PRKCB: variants seen among roughly 807,000 people sequenced by gnomAD.
The protein encoded by PRKCB is protein kinase C beta, also known as protein kinase C beta type.
A neutral mutation model predicts 81.5 loss-of-function variants in PRKCB; 13 were observed. That is an observed-to-expected ratio of 0.16 (90% confidence interval 0.10 to 0.25). The LOEUF (loss-of-function observed/expected upper bound fraction) is 0.25. Among genes scored for constraint, PRKCB ranks in the 10% least tolerant of loss-of-function variants. PRKCB has a pLI of 1.00. For synonymous variants in PRKCB, 335 were observed against 321.4 expected (o/e 1.04, Z -0.45); for missense variants, 509 against 875.7 (o/e 0.58, Z 5.29).
chr16:23,905,759 A>G (rs573774461), intron 2 of PRKCB, among the ~76,000 whole-genome samples: 5 of 152,294 alleles, frequency 3.3e-5, no homozygotes, highest in Admixed American at 6.5e-5. Context: ...TGCTTAATAA[A>G]TATGGGTTGA....
intron 2 of PRKCB, among the ~76,000 whole-genome samples, chr16:23,890,617 C>T (rs1026948076): frequency 5.3e-5 from 8 of 152,144 alleles, no homozygotes; most frequent in East Asian, 1.9e-4. Context: ...TCCTAATGCC[C>T]GTGCCATCAA....
intron 2 of PRKCB, among the ~76,000 whole-genome samples, chr16:23,913,651 G>C (rs1963695072): frequency 1.3e-5 from 2 of 152,178 alleles, no homozygotes; most frequent in Admixed American, 6.5e-5. Flanking sequence ...TCTTAGGAGA[G>C]GGGAAAAAAT....
chr16:23,991,583 C>T (rs1423975620), intron 3 of PRKCB, among the ~76,000 whole-genome samples: 2 of 152,148 alleles, frequency 1.3e-5, no homozygotes, highest in Admixed American at 1.3e-4. Context: ...CTCAAACTGA[C>T]TTATATGAAA....
At chr16:23,881,846 C>T (rs1379956965) in intron 2 of PRKCB, among the ~76,000 whole-genome samples, 1 of 151,916 alleles carries the variant, frequency 6.6e-6, no homozygotes, top group Non-Finnish European at 1.5e-5. Context: ...CCCACCGAGC[C>T]TCTGGTAACC....
chr16:24,058,634 G>A (rs1045113122), intron 5 of PRKCB, among the ~76,000 whole-genome samples: 2 of 152,128 alleles, frequency 1.3e-5, no homozygotes, highest in African/African-American at 2.4e-5. Flanking sequence ...GGACTTCTAG[G>A]CTGAAGTGTA....
At chr16:23,941,230 A>C (rs572884119) in intron 2 of PRKCB, among the ~76,000 whole-genome samples, 25 of 152,326 alleles carry the variant, frequency 1.6e-4, no homozygotes, top group Middle Eastern at 3.4e-3. Flanking sequence ...CTTTATCAAA[A>C]CAGGTGGCAG....
chr16:23,912,630 A>G (rs1434516123), intron 2 of PRKCB, among the ~76,000 whole-genome samples: 1 of 139,214 alleles, frequency 7.2e-6, no homozygotes, highest in African/African-American at 2.7e-5. Flanking sequence ...CTCCTGCCTC[A>G]GCCTCCAGAG....
intron 3 of PRKCB, among the ~76,000 whole-genome samples, chr16:24,002,837 G>A (rs886216886): frequency 3.3e-5 from 5 of 152,006 alleles, no homozygotes; most frequent in South Asian, 4.2e-4. Context: ...CAGATGCCTC[G>A]TTTGCCCTTC....
chr16:23,899,950 G>A (rs896515611), intron 2 of PRKCB, among the ~76,000 whole-genome samples: 1 of 152,096 alleles, frequency 6.6e-6, no homozygotes, highest in Non-Finnish European at 1.5e-5. Flanking sequence ...GCCTCCCAAA[G>A]TGCAGGGATT....
rs1396485104 is a variant in PRKCB, at chr16:24,218,356, CA to C, written c.*3541del. On this transcript the variant is annotated 3_prime_UTR_variant, in exon 17 of 17. Coordinates refer to ENST00000643927, the MANE Select transcript of PRKCB (RefSeq NM_002738.7). ...GCCTGGGGGATGGAAACTCCTATAG[CA>C]CCCCACAGGCTAACAGCAAGCAGGA... 2 of 985,122 alleles carry C rather than the reference CA, an allele frequency of 2.0e-6. No individual in the cohort carries two copies. Among genetic ancestry groups the C allele is most frequent in the Non-Finnish European group, 2.4e-6 (2 of 829,938 alleles). 61.0% of individuals were successfully genotyped at this position (985,122 alleles called of 1,614,324 possible). A position where few individuals can be genotyped will look rare whatever the true frequency, so the allele number is the denominator to read the frequency against.
chr16:24,151,200 C>T (rs1471585918), intron 9 of PRKCB, among the ~76,000 whole-genome samples: 1 of 152,200 alleles, frequency 6.6e-6, no homozygotes, highest in Admixed American at 6.5e-5. Flanking sequence ...TGCTCTCTAA[C>T]AACTTTCTAA....
At chr16:23,898,278 G>A (rs774046770) in intron 2 of PRKCB, among the ~76,000 whole-genome samples, 1 of 152,048 alleles carries the variant, frequency 6.6e-6, no homozygotes, top group African/African-American at 2.4e-5. Context: ...TGTTAGCCAG[G>A]ATGGTCTTGA....
chr16:24,064,508 T>G (rs1052834868), intron 5 of PRKCB, among the ~76,000 whole-genome samples: 1 of 152,232 alleles, frequency 6.6e-6, no homozygotes, highest in Non-Finnish European at 1.5e-5. Flanking sequence ...CATTTGACAT[T>G]TGGGTAAATA....
chr16:24,114,388 G>A (rs749956521), intron 8 of PRKCB, among the ~76,000 whole-genome samples: 37 of 151,714 alleles, frequency 2.4e-4, no homozygotes, highest in Admixed American at 2.6e-4. Flanking sequence ...TATAGTTAAC[G>A]AATGGAATTG....
chr16:24,207,035 A>G (rs1968057120), intron 16 of PRKCB, among the ~76,000 whole-genome samples: 1 of 152,192 alleles, frequency 6.6e-6, no homozygotes, highest in Non-Finnish European at 1.5e-5. Flanking sequence ...GGCTCAAGTA[A>G]TCCTCCAACT....
chr16:24,155,477 G>A (rs1055613590), intron 10 of PRKCB, among the ~76,000 whole-genome samples: 2 of 152,164 alleles, frequency 1.3e-5, no homozygotes, highest in Non-Finnish European at 2.9e-5. Context: ...ACCTTTCCCT[G>A]TTCAAATTAG....
intron 16 of PRKCB, among the ~76,000 whole-genome samples, chr16:24,211,891 G>A (rs1419232097): frequency 6.6e-6 from 1 of 152,146 alleles, no homozygotes; most frequent in Non-Finnish European, 1.5e-5. Flanking sequence ...TAAGAAGTGA[G>A]CAGGAGGCAG....
At chr16:23,837,253 T>C in intron 1 of PRKCB, 122 bp from the exon 2 acceptor site, 1 of 1,254,088 alleles carries the variant, frequency 8.0e-7, no homozygotes, top group Non-Finnish European at 1.2e-6. Context: ...GGCACCCGCC[T>C]GTGGCTGGGA....
chr16:23,875,076 G>A (rs1281919212), intron 2 of PRKCB, among the ~76,000 whole-genome samples: 1 of 134,454 alleles, frequency 7.4e-6, no homozygotes, highest in East Asian at 2.2e-4. Flanking sequence ...TTGCTCTGTT[G>A]CCCAGGCTGG....
Sources: gnomAD v4.1 joint callset for allele counts (sites outside exome capture counted in the v4.1 genomes callset) on GRCh38, gnomAD v4.1.1 for gene constraint, MANE v1.5 for transcripts, NCBI Gene and HGNC (gene_info 2026-07-23, HGNC 2026-07-21) for gene names.